Variants in ADGRB3 observed in about 807,000 individuals in gnomAD.
The protein encoded by ADGRB3 is adhesion G protein-coupled receptor B3, also known as brain-specific angiogenesis inhibitor 3.
Under a neutral mutation model 193.4 loss-of-function variants are expected in ADGRB3, and 37 were observed. That is an observed-to-expected ratio of 0.19 (90% confidence interval 0.15 to 0.25). The LOEUF is 0.25. Ranked by LOEUF, ADGRB3 falls within the 10% of genes least tolerant of loss-of-function variation. ADGRB3 has a pLI of 1.00. For missense variants in ADGRB3, 1,637 were observed against 1,852.9 expected (o/e 0.88, Z 2.14); for synonymous variants, 690 against 644.2 (o/e 1.07, Z -1.08).
chr6:68,779,228 T>TTG (rs758753009), intron 3 of ADGRB3, among the ~76,000 whole-genome samples: 47 of 93,380 alleles, frequency 5.0e-4, no homozygotes, highest in Middle Eastern at 5.7e-3. Flanking sequence ...TATGTATATA[T>TTG]TATGTGTGTG....
At chr6:69,020,964 A>G (rs549224620) in intron 13 of ADGRB3, among the ~76,000 whole-genome samples, 2 of 152,106 alleles carry the variant, frequency 1.3e-5, no homozygotes, top group Non-Finnish European at 2.9e-5. Flanking sequence ...GTTTTGTCTG[A>G]TATTTCCAAT....
chr6:68,867,431 A>C (rs1240178544), intron 3 of ADGRB3, among the ~76,000 whole-genome samples: 1 of 152,220 alleles, frequency 6.6e-6, no homozygotes, highest in African/African-American at 2.4e-5. Flanking sequence ...CTGGATATCC[A>C]GGCAGATGTC....
intron 3 of ADGRB3, among the ~76,000 whole-genome samples, chr6:68,853,130 A>C (rs1203248691): frequency 6.6e-6 from 1 of 152,054 alleles, no homozygotes; most frequent in Non-Finnish European, 1.5e-5. Flanking sequence ...CTCATTCATT[A>C]GTGTCTGTAA....
At chr6:69,073,417 G>T (rs190479341) in intron 16 of ADGRB3, among the ~76,000 whole-genome samples, 4 of 152,012 alleles carry the variant, frequency 2.6e-5, no homozygotes, top group Non-Finnish European at 5.9e-5. Context: ...GCTAAGAGCC[G>T]GGTTCTTGTT....
chr6:69,254,872 A>C lies in ADGRB3; in HGVS notation c.2814+15646A>C, dbSNP rs1215568002. Among the ~76,000 whole-genome samples, 117 of 93,140 alleles carry C rather than the reference A, an allele frequency of 1.3e-3. No homozygotes were observed. In the Middle Eastern group the frequency reaches 0.027, roughly 21 times the overall value. 61.1% of individuals were successfully genotyped at this position (93,140 alleles called of 152,430 possible). On this transcript the variant is annotated intron_variant, in intron 20 of 31. Coordinates refer to ENST00000370598, the MANE Select transcript of ADGRB3 (RefSeq NM_001704.3). Reference sequence around the variant, plus strand: ...TCCCTCCCCCCTCCCCCCACCCCACAACAGTCCCCAGAGTGTGATGTTCCC... The same window carrying C: ...TCCCTCCCCCCTCCCCCCACCCCACCACAGTCCCCAGAGTGTGATGTTCCC...
At chr6:68,680,213 C>G in intron 3 of ADGRB3, among the ~76,000 whole-genome samples, 1 of 150,910 alleles carries the variant, frequency 6.6e-6, no homozygotes, top group East Asian at 2.0e-4. Context: ...GTAGCCTTAA[C>G]GGACTAAGAC....
chr6:69,191,574 A>G lies in ADGRB3; in HGVS notation c.2481-41716A>G, dbSNP rs528556472. Among the ~76,000 whole-genome samples the G allele has an allele frequency of 3.9e-5, 6 of 152,302 alleles. No homozygotes were observed. The East Asian group carries it at 1.2e-3, about 29-fold the overall frequency. On this transcript the variant is annotated intron_variant, in intron 17 of 31. Coordinates refer to ENST00000370598, the MANE Select transcript of ADGRB3 (RefSeq NM_001704.3). ...ATGGCTTAAGTTATCTGAAATAATT[A>G]TTTTGTGCTTATTATGGAATATAAA...
chr6:69,176,768 C>T (rs956794137), intron 17 of ADGRB3, among the ~76,000 whole-genome samples: 7 of 152,144 alleles, frequency 4.6e-5, no homozygotes, highest in African/African-American at 1.7e-4. Context: ...GCTTTTTCAT[C>T]ACGTTAGTTA....
At chr6:69,073,781 G>A (rs931938897) in intron 16 of ADGRB3, among the ~76,000 whole-genome samples, 3 of 152,110 alleles carry the variant, frequency 2.0e-5, no homozygotes, top group South Asian at 2.1e-4. Flanking sequence ...GACTTTGGAC[G>A]TTAGTGGGCA....
chr6:69,234,915 T>C, intron 18 of ADGRB3, 117 bp from the exon 19 acceptor site: 2 of 716,310 alleles, frequency 2.8e-6, no homozygotes, highest in South Asian at 1.9e-5. Flanking sequence ...AACTATCTGG[T>C]AACTATAACA....
rs529254411 is a variant in ADGRB3 at position 68,706,991 on chromosome 6, G to T, written c.757+67559G>T. Among the ~76,000 whole-genome samples the T allele has an allele frequency of 5.9e-5, 9 of 151,662 alleles. 2 individuals carry two copies. The highest frequency in any genetic ancestry group is 2.6e-4 in the Admixed American group (4 of 15,222). On this transcript the variant is annotated intron_variant, in intron 3 of 31. Coordinates refer to ENST00000370598, the MANE Select transcript of ADGRB3 (RefSeq NM_001704.3). ...CCGGGCATGGTGGCGGGTACCTGTA[G>T]ACCAAGCTACTTGGGAGGCTGAGGC... is the stretch of plus-strand genomic sequence containing the variant.
intron 3 of ADGRB3, among the ~76,000 whole-genome samples, chr6:68,692,050 G>A (rs950900194): frequency 6.6e-6 from 1 of 151,642 alleles, no homozygotes; most frequent in African/African-American, 2.4e-5. Flanking sequence ...TTTTACTACT[G>A]TGCACATATA....
intron 3 of ADGRB3, among the ~76,000 whole-genome samples, chr6:68,883,929 A>G (rs79352147): frequency 0.01 from 1,596 of 152,334 alleles, 26 homozygotes; most frequent in African/African-American, 0.036. Context: ...CTTGAACTTA[A>G]TAATTTAAGG....
chr6:68,934,918 G>T (rs968246845), intron 4 of ADGRB3, among the ~76,000 whole-genome samples: 1 of 152,044 alleles, frequency 6.6e-6, no homozygotes, highest in Non-Finnish European at 1.5e-5. Flanking sequence ...ATTGATGAAG[G>T]GTTATCTATA....
chr6:69,159,803 A>G (rs1774936895), intron 17 of ADGRB3, among the ~76,000 whole-genome samples: 1 of 152,124 alleles, frequency 6.6e-6, no homozygotes, highest in African/African-American at 2.4e-5. Context: ...TGATTTCCAC[A>G]TGGACATCTC....
intron 3 of ADGRB3, among the ~76,000 whole-genome samples, chr6:68,901,076 A>G (rs191356108): frequency 1.1e-4 from 16 of 152,150 alleles, no homozygotes; most frequent in African/African-American, 1.2e-4. Flanking sequence ...CTAAATAACA[A>G]ATTACCTCAA....
At chr6:68,904,137 G>T (rs1402626252) in intron 3 of ADGRB3, among the ~76,000 whole-genome samples, 1 of 130,480 alleles carries the variant, frequency 7.7e-6, no homozygotes, top group African/African-American at 2.7e-5. Context: ...AAGGAAGGAA[G>T]GAAGGGTGAA....
intron 3 of ADGRB3, among the ~76,000 whole-genome samples, chr6:68,875,836 T>TA: frequency 6.6e-6 from 1 of 152,110 alleles, no homozygotes; most frequent in East Asian, 1.9e-4. Context: ...TTTAATTTTT[T>TA]AAAAAACTTA....
chr6:68,897,514 A>G (rs1314537933), intron 3 of ADGRB3, among the ~76,000 whole-genome samples: 10 of 98,168 alleles, frequency 1.0e-4, no homozygotes, highest in African/African-American at 3.4e-4. Context: ...GGAAGGAAGG[A>G]AGGGAGGGAG....
Sources: allele counts gnomAD v4.1 joint callset (sites outside exome capture counted in the v4.1 genomes callset), GRCh38; gene constraint gnomAD v4.1.1; transcripts MANE v1.5; gene names NCBI Gene and HGNC (gene_info 2026-07-23, HGNC 2026-07-21).